The following AOPEP variants were observed in gnomAD, a reference collection of about 807,000 sequenced individuals.
AOPEP encodes aminopeptidase O (putative).
A neutral mutation model predicts 98.1 loss-of-function variants in AOPEP; 77 were observed. The observed-to-expected ratio is 0.78, with a 90% CI of 0.65 to 0.95. The LOEUF (loss-of-function observed/expected upper bound fraction) is 0.95, where lower values mean the gene tolerates loss of function less well. Ranked by LOEUF, AOPEP falls within the 40% of genes least tolerant of loss-of-function variation. The pLI is 0.00. For missense variants in AOPEP, 1,024 were observed against 1,024.7 expected (o/e 1.00, Z 0.01); for synonymous variants, 346 against 365.3 (o/e 0.95, Z 0.60).
chr9:95,103,017 C>T, the AOPEP span, among the ~76,000 whole-genome samples: 2 of 152,180 alleles, frequency 1.3e-5, no homozygotes, highest in African/African-American at 2.4e-5. Context: ...GGTTTTTACT[C>T]AGAAATGACA....
intron 14 of AOPEP, among the ~76,000 whole-genome samples, chr9:95,062,044 C>A (rs1288341656): frequency 2.0e-5 from 3 of 152,208 alleles, no homozygotes; most frequent in African/African-American, 7.2e-5. Flanking sequence ...AGGGGAGGAT[C>A]AGAGCAGGCA....
chr9:94,999,156 C>T (rs2132535428), intron 11 of AOPEP, among the ~76,000 whole-genome samples: 1 of 151,804 alleles, frequency 6.6e-6, no homozygotes, highest in East Asian at 1.9e-4. Flanking sequence ...ACAAAAAACC[C>T]CAAAAAACCC....
chr9:94,730,090 C>T (rs1830160590), intron 1 of AOPEP, among the ~76,000 whole-genome samples: 1 of 152,056 alleles, frequency 6.6e-6, no homozygotes, highest in Admixed American at 6.6e-5. Context: ...CGAGACCATC[C>T]TGGCTAACGC....
intron 14 of AOPEP, among the ~76,000 whole-genome samples, chr9:95,062,118 A>G (rs904521158): frequency 6.6e-6 from 1 of 152,160 alleles, no homozygotes; most frequent in African/African-American, 2.4e-5. Flanking sequence ...AGCATAAAAC[A>G]TGTCCTGTTC....
intron 16 of AOPEP, among the ~76,000 whole-genome samples, chr9:95,083,774 A>G (rs547012236): frequency 1.1e-4 from 17 of 152,344 alleles, no homozygotes; most frequent in South Asian, 1.0e-3. Context: ...CACGTGGCAT[A>G]TGGCCTCCAT....
chr9:94,932,862 G>A (rs1181515852), intron 7 of AOPEP: 3 of 985,220 alleles, frequency 3.0e-6, no homozygotes, highest in South Asian at 4.7e-5. Flanking sequence ...TAAGTCATTC[G>A]TTAACAGGTT....
intron 5 of AOPEP, among the ~76,000 whole-genome samples, chr9:94,810,343 C>T (rs1850254662): frequency 6.7e-6 from 1 of 149,038 alleles, no homozygotes; most frequent in African/African-American, 2.5e-5. Flanking sequence ...GAGACAGAGT[C>T]TCGCTCTGTC....
intron 5 of AOPEP, among the ~76,000 whole-genome samples, chr9:94,878,139 T>C (rs72748527): frequency 0.04 from 6,052 of 151,596 alleles, 317 homozygotes; most frequent in African/African-American, 0.12. Flanking sequence ...GATTTTCCTG[T>C]AGGAAAAAGG....
rs570862712 is a variant in AOPEP at position 94,730,556 on chromosome 9, C to G, written c.-136+3805C>G. Among the ~76,000 whole-genome samples the G allele has an allele frequency of 2.6e-5, 4 of 152,220 alleles. No individual in the cohort carries two copies. The South Asian group carries it at 8.3e-4, about 32-fold the overall frequency. On this transcript the variant is annotated intron_variant, in intron 1 of 16. Transcript: ENST00000375315. Reference sequence around the variant, plus strand: ...ACTCATAAAGCGTGTAACTTACATGCTATTTGAGAATAAACCTCTATTTTA... The same window carrying G: ...ACTCATAAAGCGTGTAACTTACATGGTATTTGAGAATAAACCTCTATTTTA...
chr9:94,782,389 A>C (rs974764904), intron 3 of AOPEP, among the ~76,000 whole-genome samples: 5 of 152,080 alleles, frequency 3.3e-5, no homozygotes, highest in African/African-American at 1.2e-4. Context: ...CAAAAGTAAG[A>C]CTGTAGACAT....
At chr9:95,010,033 C>T (rs1404678762) in intron 13 of AOPEP, among the ~76,000 whole-genome samples, 1 of 151,948 alleles carries the variant, frequency 6.6e-6, no homozygotes, top group Non-Finnish European at 1.5e-5. Context: ...ACATACTTGA[C>T]TCTGAACCAA....
intron 16 of AOPEP, chr9:95,085,553 G>A (rs779625121): frequency 2.0e-6 from 1 of 492,308 alleles, no homozygotes; most frequent in Non-Finnish European, 4.2e-6. Context: ...GATGGGGACA[G>A]TTAAGTTGGA....
chr9:95,129,098 T>C, the AOPEP span, among the ~76,000 whole-genome samples: 1 of 152,062 alleles, frequency 6.6e-6, no homozygotes, highest in Non-Finnish European at 1.5e-5. Context: ...AGATGGGGTT[T>C]CACCGTGTTG....
the AOPEP span, among the ~76,000 whole-genome samples, chr9:95,095,523 T>C: frequency 6.6e-6 from 1 of 152,258 alleles, no homozygotes; most frequent in Admixed American, 6.5e-5. Context: ...ATACTTCTTC[T>C]TCCCTCAGTT....
At position 94,759,844 on chromosome 9, in the gene AOPEP, ATACT is replaced by A. The variant is rs748090191; in HGVS notation, c.63_66del (p.Ile21MetfsTer2). Reference sequence around the variant, plus strand: ...GCCTCTCATGGCCAACACCAGCCACATACTTGTGAAGCACTATGTACTGGATTTG... The same window carrying A: ...GCCTCTCATGGCCAACACCAGCCACATGTGAAGCACTATGTACTGGATTTG... On this transcript the variant is annotated frameshift_variant, in exon 2 of 17. Coordinates refer to ENST00000375315, the MANE Select transcript of AOPEP (RefSeq NM_001193329.3). LOFTEE classifies it high-confidence loss of function. 3 of 1,614,180 alleles carry A rather than the reference ATACT, an allele frequency of 1.9e-6. No individual in the cohort carries two copies. The highest frequency in any genetic ancestry group is 2.5e-6 in the Non-Finnish European group (3 of 1,180,034).
chr9:94,802,201 A>G (rs1160985691), intron 5 of AOPEP, among the ~76,000 whole-genome samples: 1 of 152,098 alleles, frequency 6.6e-6, no homozygotes, highest in East Asian at 1.9e-4. Flanking sequence ...CCCTTTGAAG[A>G]GTCTGCTGGC....
chr9:94,928,040 C>G (rs887912797), intron 6 of AOPEP, among the ~76,000 whole-genome samples: 1 of 152,146 alleles, frequency 6.6e-6, no homozygotes, highest in Non-Finnish European at 1.5e-5. Context: ...TGGGGAAAAT[C>G]GGAGGTGAAC....
chr9:94,918,478 G>T (rs1254671570), intron 5 of AOPEP, among the ~76,000 whole-genome samples: 1 of 152,142 alleles, frequency 6.6e-6, no homozygotes, highest in South Asian at 2.1e-4. Context: ...GCTTGAGCTG[G>T]CACAGAGGGA....
intron 5 of AOPEP, among the ~76,000 whole-genome samples, chr9:94,876,497 C>T (rs1317707556): frequency 6.6e-6 from 1 of 151,930 alleles, no homozygotes; most frequent in Non-Finnish European, 1.5e-5. Context: ...TCCCGAGTAG[C>T]TGGGACTACA....
Sources: gnomAD v4.1 joint callset for allele counts (sites outside exome capture counted in the v4.1 genomes callset) on GRCh38, gnomAD v4.1.1 for gene constraint, MANE v1.5 for transcripts, NCBI Gene and HGNC (gene_info 2026-07-23, HGNC 2026-07-21) for gene names.